The following NAALADL2 variants were observed in gnomAD, a reference collection of about 807,000 sequenced individuals.
The protein encoded by NAALADL2 is inactive N-acetylated-alpha-linked acidic dipeptidase-like protein 2.
A neutral mutation model predicts 87.2 loss-of-function variants in NAALADL2; 76 were observed. That is an observed-to-expected ratio of 0.87 (90% CI 0.72 to 1.05). The LOEUF (loss-of-function observed/expected upper bound fraction) is 1.05. Among genes scored for constraint, NAALADL2 ranks in the 50% least tolerant of loss-of-function variants. The pLI is 0.00. For missense variants in NAALADL2, 1,089 were observed against 945.8 expected, an observed-to-expected ratio of 1.15 and a Z score of -1.99; for synonymous variants, 354 against 331.0, an observed-to-expected ratio of 1.07 and a Z score of -0.75.
intron 11 of NAALADL2, chr3:175,676,516 T>C (rs1339916773): frequency 1.3e-5 from 2 of 152,142 alleles, no homozygotes; most frequent in African/African-American, 4.8e-5. Context: ...ACGTACAGAG[T>C]TGTTTTCTTC....
intron 2 of NAALADL2, among the ~76,000 whole-genome samples, chr3:174,697,520 T>C (rs1176265077): frequency 6.6e-6 from 1 of 152,108 alleles, no homozygotes; most frequent in Non-Finnish European, 1.5e-5. Flanking sequence ...ACAGGCTTAA[T>C]GACAGCAAGA....
intron 6 of NAALADL2, 70 bp downstream of exon 6, chr3:175,447,442 A>G (rs1720885515): frequency 9.4e-7 from 1 of 1,059,600 alleles, no homozygotes; most frequent in Non-Finnish European, 1.3e-6. Context: ...TTAATCTCCT[A>G]AATTGATGTA....
chr3:174,816,037 C>T (rs1720762556), intron 3 of NAALADL2, among the ~76,000 whole-genome samples: 1 of 151,530 alleles, frequency 6.6e-6, no homozygotes, highest in Non-Finnish European at 1.5e-5. Flanking sequence ...ACATTTGGAT[C>T]CCTAAATTAC....
chr3:175,735,503 G>C (rs568710132), intron 11 of NAALADL2, among the ~76,000 whole-genome samples: 8 of 152,286 alleles, frequency 5.3e-5, no homozygotes, highest in South Asian at 4.1e-4. Context: ...AATTTACAAA[G>C]GAAAGAGGTT....
chr3:175,565,911 C>T (rs539768785), intron 9 of NAALADL2, among the ~76,000 whole-genome samples: 1 of 141,216 alleles, frequency 7.1e-6, no homozygotes, highest in Non-Finnish European at 1.5e-5. Flanking sequence ...CTCACCGCAA[C>T]CTTCGCCTCC....
Position 175,313,360 on chromosome 3 carries a change from T to A in NAALADL2, c.940-10815T>A, listed in dbSNP as rs916432726. ...AAAACTAAGGTCTTATTTTTGTTAC[T>A]CTTCTTATCTACATGAAGATTCAGA... On this transcript the variant is annotated intron_variant, in intron 4 of 13. Coordinates refer to ENST00000454872, the MANE Select transcript of NAALADL2 (RefSeq NM_207015.3). Among the ~76,000 whole-genome samples, 16 of 152,314 alleles carry A rather than the reference T, an allele frequency of 1.1e-4. No individual in the cohort carries two copies. The East Asian group carries it at 3.1e-3, about 29-fold the overall frequency.
At position 175,805,326 on chromosome 3, in the gene NAALADL2, C is replaced by T. The variant is rs1754605975; in HGVS notation, c.*2123C>T. On this transcript the variant is annotated 3_prime_UTR_variant, in exon 14 of 14. Transcript: ENST00000454872. ...TTAAAGATTGCGTACCTAGGTAAGT[C>T]ACACTGTATAGATAAAAACCTTCTT... 1 of 151,896 alleles carries T rather than the reference C, an allele frequency of 6.6e-6. No homozygotes were observed. The highest frequency in any genetic ancestry group is 2.1e-4 in the South Asian group (1 of 4,820). The allele number at this position is 151,896 out of a possible 1,614,324, so 9.4% of individuals were successfully genotyped here. A position where few individuals can be genotyped will look rare whatever the true frequency, so the allele number is the denominator to read the frequency against.
intron 3 of NAALADL2, among the ~76,000 whole-genome samples, chr3:174,809,521 T>C (rs1719914320): frequency 6.6e-6 from 1 of 152,204 alleles, no homozygotes; most frequent in Admixed American, 6.6e-5. Flanking sequence ...CAAATGCTTA[T>C]AAAGCTGCTA....
intron 2 of NAALADL2, among the ~76,000 whole-genome samples, chr3:174,673,937 T>C (rs905046420): frequency 2.3e-5 from 2 of 88,386 alleles, no homozygotes; most frequent in African/African-American, 6.7e-5. Context: ...AAAAATGTTA[T>C]GTATTAATAA....
intron 1 of NAALADL2, among the ~76,000 whole-genome samples, chr3:175,055,242 C>A (rs1026071947): frequency 4.6e-5 from 7 of 152,198 alleles, no homozygotes; most frequent in Non-Finnish European, 8.8e-5. Context: ...ACGGCACAAT[C>A]AGGAGCTGTG....
At chr3:174,725,792 T>G (rs889660350) in intron 2 of NAALADL2, among the ~76,000 whole-genome samples, 1 of 152,202 alleles carries the variant, frequency 6.6e-6, no homozygotes, top group Non-Finnish European at 1.5e-5. Context: ...TGATATTGCT[T>G]ATAGCAAGAG....
At chr3:174,559,807 C>A (rs1173246825) in intron 2 of NAALADL2, among the ~76,000 whole-genome samples, 1 of 152,144 alleles carries the variant, frequency 6.6e-6, no homozygotes, top group Admixed American at 6.5e-5. Flanking sequence ...CTCCCAAAGG[C>A]CCTACCTACT....
chr3:175,366,784 G>A (rs1227881266), intron 5 of NAALADL2, among the ~76,000 whole-genome samples: 7 of 151,226 alleles, frequency 4.6e-5, no homozygotes, highest in South Asian at 2.1e-4. Flanking sequence ...AGTAGGTTGC[G>A]AAAATTTTCT....
chr3:175,536,861 A>G (rs1734891107), intron 9 of NAALADL2, among the ~76,000 whole-genome samples: 1 of 152,180 alleles, frequency 6.6e-6, no homozygotes, highest in Admixed American at 6.5e-5. Flanking sequence ...GGGCGCCTGT[A>G]GTCCCATCTA....
chr3:175,015,680 T>G (rs1286222422), intron 1 of NAALADL2, among the ~76,000 whole-genome samples: 1 of 152,090 alleles, frequency 6.6e-6, no homozygotes, highest in Non-Finnish European at 1.5e-5. Flanking sequence ...CAGTTAAAAG[T>G]CAACTTAGAT....
At position 175,674,259 on chromosome 3, in the gene NAALADL2, TGTTTG is replaced by T. The variant is rs1235838381; in HGVS notation, c.1896+46874_1896+46878del. Reference sequence around the variant, plus strand: ...TCCAACTGATAGTGTTTTTTTTTTTTGTTTGTTTTGTTTTTTTTGAGTTGGAGTCT... The same window carrying T: ...TCCAACTGATAGTGTTTTTTTTTTTTTTTTGTTTTTTTTGAGTTGGAGTCT... On this transcript the variant is annotated intron_variant, in intron 11 of 13. Transcript: ENST00000454872. 3.3e-3 allele frequency among the ~76,000 whole-genome samples: 494 copies of T among 148,554 alleles called. 3 individuals carry two copies. The highest frequency in any genetic ancestry group is 0.012 in the African/African-American group (460 of 39,152).
In NAALADL2 at chr3:175,729,912, T is replaced by TA. The variant is rs1173452597; in HGVS notation, c.1897-7387dup. Among the ~76,000 whole-genome samples, 13 of 152,160 alleles carry TA rather than the reference T, an allele frequency of 8.5e-5. No individual in the cohort carries two copies. The East Asian group carries it at 1.4e-3, about 16-fold the overall frequency. On this transcript the variant is annotated intron_variant, in intron 11 of 13. Transcript: ENST00000454872. ...CGTTTTAAATTTAACTGAGGACATT[T>TA]AAAAAAATCCCATGATAATAGTTTA...
At chr3:174,968,446 T>C (rs1243533478) in intron 1 of NAALADL2, among the ~76,000 whole-genome samples, 1 of 152,070 alleles carries the variant, frequency 6.6e-6, no homozygotes, top group East Asian at 1.9e-4. Flanking sequence ...AACTAGTAAG[T>C]AGCTGGAAAG....
chr3:175,355,934 A>G (rs1764308806), intron 5 of NAALADL2, among the ~76,000 whole-genome samples: 1 of 152,200 alleles, frequency 6.6e-6, no homozygotes, highest in Admixed American at 6.5e-5. Flanking sequence ...TAACTAAAAT[A>G]TTCTTCCTAA....
Sources: allele counts gnomAD v4.1 joint callset (sites outside exome capture counted in the v4.1 genomes callset), GRCh38; gene constraint gnomAD v4.1.1; transcripts MANE v1.5; gene names NCBI Gene and HGNC (gene_info 2026-07-23, HGNC 2026-07-21).